HMCN2: variants seen among roughly 807,000 people sequenced by gnomAD.
The protein encoded by HMCN2 is hemicentin-2.
HMCN2 carries 325 observed loss-of-function variants against 377.5 expected under a neutral mutation model. The observed-to-expected ratio is 0.86, with a 90% CI of 0.79 to 0.94. The LOEUF (loss-of-function observed/expected upper bound fraction) is 0.94, where lower values mean the gene tolerates loss of function less well. HMCN2 is among the 40% of genes least tolerant of loss of function. The pLI is 0.00. For missense variants in HMCN2, 4,543 were observed against 4,725.3 expected (o/e 0.96, Z 1.13); for synonymous variants, 2,007 against 2,046.8 (o/e 0.98, Z 0.53).
At chr9:130,383,231 G>C (rs4740199) in intron 56 of HMCN2, among the ~76,000 whole-genome samples, 92,391 of 151,154 alleles carry the variant, frequency 0.61, 31,532 homozygotes, top group East Asian at 0.87. Flanking sequence ...GGGGACCCTG[G>C]GAGCCCAACA....
At chr9:130,397,398 G>GAC (rs1250702361) in intron 73 of HMCN2, 130 bp from the exon 74 acceptor site, 3 of 884,152 alleles carry the variant, frequency 3.4e-6, no homozygotes, top group East Asian at 6.5e-5. Context: ...TTTGGGTGGA[G>GAC]ACAGAGCCAA....
chr9:130,321,289 G>A (rs1180671000), intron 18 of HMCN2, among the ~76,000 whole-genome samples: 2 of 149,906 alleles, frequency 1.3e-5, no homozygotes, highest in Non-Finnish European at 1.5e-5. Flanking sequence ...CCCAGACACC[G>A]GCGCGCGCTG....
chr9:130,360,436 T>C lies in HMCN2; in HGVS notation c.5782T>C (p.Trp1928Arg). 1.5e-6 allele frequency: 2 copies of C among 1,297,228 alleles called. No individual in the cohort carries two copies. Among genetic ancestry groups the C allele is most frequent in the Non-Finnish European group, 2.0e-6 (2 of 984,638 alleles). 80.4% of individuals were successfully genotyped at this position (1,297,228 alleles called of 1,614,324 possible). ...TCTCTTCCTTTCCCCAGATGTCTCC[T>C]GGTTCAAGGGCCACCAACCTGTCTC... is the stretch of plus-strand genomic sequence containing the variant. ...ASGVPPPDVSWFKGHQPVSSW... is the reference protein window; with the variant it reads ...ASGVPPPDVSRFKGHQPVSSW... Residue 1928 changes from tryptophan (W) to arginine (R), a missense_variant, in exon 38 of 98, where the codon TGG (tryptophan) becomes CGG (arginine). By Grantham distance (101) the Trp-to-Arg change is moderately radical. Around this residue, in one of 5 missense-constraint regions of HMCN2, gnomAD observed 1,032 missense variants for 1,285.1 expected, o/e 0.80. Transcript: ENST00000683500. The surrounding 1 kb of genome is among the most constrained non-coding windows in gnomAD (Gnocchi z 4.7).
At position 130,382,674 on chromosome 9, in the gene HMCN2, C is replaced by T. The variant is rs550287760; in HGVS notation, c.8546-5C>T. 2.7e-5 allele frequency: 27 copies of T among 984,626 alleles called. No individual in the cohort carries two copies. In the African/African-American group the frequency reaches 3.0e-4, roughly 11 times the overall value. The allele number at this position is 984,626 out of a possible 1,614,324, so 61.0% of individuals were successfully genotyped here. ...GCCCCTCAGCCCCCTCTCCCCCACC[C>T]CCAGCCCCACCTGTGATCCTGGGTG... is the stretch of plus-strand genomic sequence containing the variant. On this transcript the variant is annotated splice_region_variant and splice_polypyrimidine_tract_variant and intron_variant, in intron 55 of 97. Transcript: ENST00000683500.
At chr9:130,299,908 C>T (rs974394907) in intron 8 of HMCN2, among the ~76,000 whole-genome samples, 9 of 148,784 alleles carry the variant, frequency 6.0e-5, no homozygotes, top group African/African-American at 2.0e-4. Context: ...CCCATTCATG[C>T]ACTCATCCAC....
chr9:130,283,701 G>A (rs1835263534), intron 1 of HMCN2, among the ~76,000 whole-genome samples: 2 of 152,136 alleles, frequency 1.3e-5, no homozygotes, highest in African/African-American at 4.8e-5. Flanking sequence ...TTTTGCGTCT[G>A]GCTTCTCTCG....
intron 7 of HMCN2, among the ~76,000 whole-genome samples, chr9:130,298,406 C>G (rs1434632642): frequency 3.3e-5 from 5 of 152,152 alleles, no homozygotes; most frequent in Admixed American, 3.3e-4. Context: ...TACCTGTAGT[C>G]TCAGCTACTC....
intron 36 of HMCN2, among the ~76,000 whole-genome samples, chr9:130,358,830 C>T (rs1300249522): frequency 1.3e-5 from 2 of 152,194 alleles, no homozygotes; most frequent in South Asian, 2.1e-4. Flanking sequence ...CCCACCACCA[C>T]GTCTGGCTAA....
At chr9:130,330,968 AACACACACACACACACAC>A (rs1173053980) in intron 22 of HMCN2, among the ~76,000 whole-genome samples, 1 of 131,508 alleles carries the variant, frequency 7.6e-6, no homozygotes, top group South Asian at 2.7e-4. Flanking sequence ...TCTCTACTGA[AACACACACACACACACAC>A]ACACACACAC....
chr9:130,404,965 AC>A lies in HMCN2; in HGVS notation c.12246del (p.Asn4082LysfsTer28), dbSNP rs760789834. 1 of 1,289,496 alleles carries A rather than the reference AC, an allele frequency of 7.8e-7. No homozygotes were observed. The highest frequency in any genetic ancestry group is 1.2e-5 in the South Asian group (1 of 80,872). 79.9% of individuals were successfully genotyped at this position (1,289,496 alleles called of 1,614,324 possible). On this transcript the variant is annotated frameshift_variant, in exon 81 of 98. Coordinates refer to ENST00000683500, the MANE Select transcript of HMCN2 (RefSeq NM_001291815.2). LOFTEE classifies it high-confidence loss of function. Reference protein sequence around the residue: ...PCKARGSPEPNITWDKDGQPV... With the variant: ...PCKARGSPEPXITWDKDGQPV... Reference sequence around the variant, plus strand: ...AAGGCGAGGGGCAGTCCTGAGCCCAACATCACCTGGGACAAAGATGGCCAGC... The same window carrying A: ...AAGGCGAGGGGCAGTCCTGAGCCCAAATCACCTGGGACAAAGATGGCCAGC...
Position 130,375,980 on chromosome 9 carries a change from G to GAAGT in HMCN2, c.7910_7913dup (p.Leu2639SerfsTer34). On this transcript the variant is annotated frameshift_variant, in exon 51 of 98. Coordinates refer to ENST00000683500, the MANE Select transcript of HMCN2 (RefSeq NM_001291815.2). LOFTEE classifies it high-confidence loss of function. ...GGAGGCCGTGAAAAACTACCATGTG[G>GAAGT]AAGTGCTCAGTGAGTCGGGGACCCT... 1 of 985,706 alleles carries GAAGT rather than the reference G, an allele frequency of 1.0e-6. No homozygotes were observed. Among genetic ancestry groups the GAAGT allele is most frequent in the Non-Finnish European group, 1.2e-6 (1 of 829,824 alleles). The allele number at this position is 985,706 out of a possible 1,614,324, so 61.1% of individuals were successfully genotyped here. A position where few individuals can be genotyped will look rare whatever the true frequency, so the allele number is the denominator to read the frequency against.
Position 130,369,805 on chromosome 9 carries a change from G to A in HMCN2, c.7023G>A (p.Glu2341=), listed in dbSNP as rs1428936958. 2.0e-5 allele frequency: 20 copies of A among 986,016 alleles called. No individual in the cohort carries two copies. Among genetic ancestry groups the A allele is most frequent in the Non-Finnish European group, 2.3e-5 (19 of 830,224 alleles). The allele number at this position is 986,016 out of a possible 1,614,324, so 61.1% of individuals were successfully genotyped here. ...CTGGACGCTACAGCTGTGTGGCCGA[G>A]AACCTGGCTGGGAGGGCAGAGAGGA... ...AHTGRYSCVA[E]NLAGRAERKF... is the part of the protein sequence containing the mutation. The change falls in exon 45 of 98, where the codon GAG becomes GAA. Residue 2341 remains glutamate (E), a synonymous_variant. Coordinates refer to ENST00000683500, the MANE Select transcript of HMCN2 (RefSeq NM_001291815.2). This position sits in a 1 kb window ranked among gnomAD's most constrained non-coding sequence, Gnocchi z 4.5.
intron 7 of HMCN2, among the ~76,000 whole-genome samples, chr9:130,298,585 T>C (rs1554932964): frequency 6.6e-6 from 1 of 152,156 alleles, no homozygotes; most frequent in Non-Finnish European, 1.5e-5. Context: ...CACATTTCCA[T>C]CAAGACAGTA....
intron 57 of HMCN2, among the ~76,000 whole-genome samples, 181 bp from the exon 58 acceptor site, chr9:130,384,192 C>A (rs1055221163): frequency 6.6e-6 from 1 of 152,220 alleles, no homozygotes. Flanking sequence ...CCTCTCTGAT[C>A]CCCTACCCAG....
chr9:130,425,430 GAGGCTCACCCCATCTCCTCCCA>G (rs1479003663), intron 89 of HMCN2, among the ~76,000 whole-genome samples: 5 of 151,710 alleles, frequency 3.3e-5, no homozygotes, highest in Admixed American at 6.6e-5. Context: ...GAGGCTCTGG[GAGGCTCACCCCATCTCCTCCCA>G]AGGCTCACCC....
At chr9:130,404,268 G>A (rs1842984149) in intron 80 of HMCN2, among the ~76,000 whole-genome samples, 1 of 152,232 alleles carries the variant, frequency 6.6e-6, no homozygotes, top group Admixed American at 6.5e-5. Context: ...GGCCGGTCAT[G>A]TCTTGGCCCC....
intron 4 of HMCN2, among the ~76,000 whole-genome samples, chr9:130,293,620 A>T (rs1835937109): frequency 1.3e-5 from 2 of 151,908 alleles, no homozygotes; most frequent in Non-Finnish European, 2.9e-5. Context: ...TGAGAGGTGG[A>T]CTTGAGGTCA....
At position 130,425,674 on chromosome 9, in the gene HMCN2, C is replaced by T. The variant is rs1192408017; in HGVS notation, c.13642-13C>T. The stretch of plus-strand genomic sequence containing the variant: ...CCACCCCTCCTCCTCCTCCCCTCCT[C>T]TTCATCCTGCAGGACTTTGAGGAGC... On this transcript the variant is annotated splice_polypyrimidine_tract_variant and intron_variant, in intron 89 of 97. Coordinates refer to ENST00000683500, the MANE Select transcript of HMCN2 (RefSeq NM_001291815.2). The T allele has an allele frequency of 6.1e-6, 9 of 1,481,254 alleles. No homozygotes were observed. The highest frequency in any genetic ancestry group is 6.4e-6 in the Non-Finnish European group (7 of 1,086,626). The allele number at this position is 1,481,254 out of a possible 1,614,324, so 91.8% of individuals were successfully genotyped here. A position where few individuals can be genotyped will look rare whatever the true frequency, so the allele number is the denominator to read the frequency against.
chr9:130,392,878 C>T (rs540084308), intron 66 of HMCN2, among the ~76,000 whole-genome samples: 1 of 152,054 alleles, frequency 6.6e-6, no homozygotes, highest in African/African-American at 2.4e-5. Flanking sequence ...CGCCTGTAGT[C>T]CCAGCTACTC....
Sources: allele counts gnomAD v4.1 joint callset (sites outside exome capture counted in the v4.1 genomes callset), GRCh38; gene constraint gnomAD v4.1.1; regional missense constraint gnomAD v4.1.1; non-coding constraint Gnocchi (gnomAD v3.1); transcripts MANE v1.5; gene names NCBI Gene and HGNC (gene_info 2026-07-23, HGNC 2026-07-21).